CACNG6: variants seen among roughly 807,000 people sequenced by gnomAD.
The protein encoded by CACNG6 is calcium voltage-gated channel auxiliary subunit gamma 6.
A neutral mutation model predicts 23.9 loss-of-function variants in CACNG6; 21 were observed. That is an observed-to-expected ratio of 0.88 (90% CI 0.62 to 1.26). The LOEUF (loss-of-function observed/expected upper bound fraction) is 1.26, where lower values mean the gene tolerates loss of function less well. CACNG6 is among the 50% of genes most tolerant of loss of function. The pLI is 0.00. For missense variants in CACNG6, 340 were observed against 352.9 expected (o/e 0.96, Z 0.29); for synonymous variants, 182 against 168.9 (o/e 1.08, Z -0.60).
chr19:53,994,508 T>C (rs1255609213), intron 1 of CACNG6, among the ~76,000 whole-genome samples: 1 of 152,094 alleles, frequency 6.6e-6, no homozygotes, highest in Non-Finnish European at 1.5e-5. Flanking sequence ...GGGAACTGGA[T>C]GAAATCTCCT....
intron 3 of CACNG6, among the ~76,000 whole-genome samples, chr19:54,007,192 G>A (rs2069657255): frequency 6.6e-6 from 1 of 152,068 alleles, no homozygotes; most frequent in South Asian, 2.1e-4. Flanking sequence ...GGGATTACAC[G>A]CATGCACCAC....
chr19:53,993,651 G>C (rs915401333), intron 1 of CACNG6, among the ~76,000 whole-genome samples: 3 of 128,522 alleles, frequency 2.3e-5, no homozygotes, highest in Non-Finnish European at 4.8e-5. Flanking sequence ...CCTGTACCCC[G>C]ACTATCCTGT....
intron 3 of CACNG6, among the ~76,000 whole-genome samples, chr19:54,001,171 A>C (rs2069571193): frequency 6.8e-6 from 1 of 146,768 alleles, no homozygotes; most frequent in Non-Finnish European, 1.5e-5. Flanking sequence ...CTTGGATCAA[A>C]TGTTTTCTTT....
At chr19:54,003,019 A>G (rs2069596372) in intron 3 of CACNG6, among the ~76,000 whole-genome samples, 1 of 152,220 alleles carries the variant, frequency 6.6e-6, no homozygotes, top group African/African-American at 2.4e-5. Context: ...ACAAATCAAT[A>G]TACATTCATA....
intron 1 of CACNG6, among the ~76,000 whole-genome samples, chr19:53,996,925 G>A (rs984967025): frequency 7.3e-6 from 1 of 136,604 alleles, no homozygotes; most frequent in Non-Finnish European, 1.5e-5. Flanking sequence ...CTGGAGTGCA[G>A]TAGTACAATC....
chr19:54,011,022 A>G, intron 3 of CACNG6, among the ~76,000 whole-genome samples: 1 of 151,214 alleles, frequency 6.6e-6, no homozygotes, highest in East Asian at 1.9e-4. Flanking sequence ...TCATTTCTTC[A>G]TGTTGTGACC....
chr19:53,995,636 C>T (rs80182320), intron 1 of CACNG6, among the ~76,000 whole-genome samples: 16,050 of 152,172 alleles, frequency 0.11, 1,135 homozygotes, highest in African/African-American at 0.2. Context: ...GCACCTGCAC[C>T]CTTCGCTCAG....
At chr19:54,005,248 A>G (rs2069629268) in intron 3 of CACNG6, among the ~76,000 whole-genome samples, 1 of 122,120 alleles carries the variant, frequency 8.2e-6, no homozygotes, top group African/African-American at 3.3e-5. Context: ...TAAATAAATA[A>G]ATAATAATAA....
chr19:54,008,882 C>T (rs1266440505), intron 3 of CACNG6, among the ~76,000 whole-genome samples: 1 of 152,228 alleles, frequency 6.6e-6, no homozygotes, highest in Non-Finnish European at 1.5e-5. Flanking sequence ...AACCTGGCAG[C>T]CTGCAGGCCC....
rs2069729904 is a variant in CACNG6, at chr19:54,012,498, G to A, written c.*309G>A. On this transcript the variant is annotated 3_prime_UTR_variant, in exon 4 of 4. Coordinates refer to ENST00000252729, the MANE Select transcript of CACNG6 (RefSeq NM_145814.2). ...TGTGGGGTTGGGGGATGAGGTCAGG[G>A]GGTCTTGGGTGGGAGTTGGGGGCCC... 4.0e-6 allele frequency: 1 copy of A among 247,762 alleles called. No individual in the cohort carries two copies. The highest frequency in any genetic ancestry group is 1.8e-4 in the South Asian group (1 of 5,664). The allele number at this position is 247,762 out of a possible 1,614,324, so 15.3% of individuals were successfully genotyped here.
At chr19:53,995,586 T>G (rs1317484331) in intron 1 of CACNG6, among the ~76,000 whole-genome samples, 1 of 152,252 alleles carries the variant, frequency 6.6e-6, no homozygotes, top group Non-Finnish European at 1.5e-5. Context: ...ACTTCCCTTG[T>G]GGATGTAGAC....
At chr19:54,003,087 G>C (rs1161106358) in intron 3 of CACNG6, among the ~76,000 whole-genome samples, 1 of 152,222 alleles carries the variant, frequency 6.6e-6, no homozygotes, top group Non-Finnish European at 1.5e-5. Flanking sequence ...AAAAATGTAT[G>C]ACAGGAGACC....
chr19:53,993,699 A>AC (rs1241907608), intron 1 of CACNG6, among the ~76,000 whole-genome samples: 1 of 100,138 alleles, frequency 1.0e-5, no homozygotes, highest in Admixed American at 1.2e-4. Context: ...TACAGTTTCC[A>AC]CCCCCAGACT....
At chr19:54,004,846 C>G (rs2069622170) in intron 3 of CACNG6, among the ~76,000 whole-genome samples, 1 of 152,092 alleles carries the variant, frequency 6.6e-6, no homozygotes, top group Non-Finnish European at 1.5e-5. Flanking sequence ...TCAGAGAGAC[C>G]AGCACTGACC....
intron 3 of CACNG6, among the ~76,000 whole-genome samples, chr19:54,005,210 A>T (rs532101199): frequency 5.3e-5 from 7 of 132,840 alleles, no homozygotes; most frequent in African/African-American, 1.6e-4. Flanking sequence ...CTCCATCTCA[A>T]AAATAAATAA....
At chr19:53,998,338 G>A (rs2069542027) in intron 2 of CACNG6, 25 bp downstream of exon 2, 2 of 1,598,850 alleles carry the variant, frequency 1.3e-6, no homozygotes, top group East Asian at 2.2e-5. Context: ...CCCCCTGCTG[G>A]GTGACAGGTG....
intron 2 of CACNG6, among the ~76,000 whole-genome samples, chr19:53,998,842 T>C (rs1435024297): frequency 2.0e-5 from 3 of 151,702 alleles, no homozygotes; most frequent in Non-Finnish European, 2.9e-5. Flanking sequence ...TCTCTGCCTA[T>C]GCCACGTTCT....
rs138464456 is a variant in CACNG6, at chr19:54,002,267, G to GTTTTTTTTTTTTTTTTTT, written c.544+2503_544+2504insTTTTTTTTTTTTTTTTTT. Among the ~76,000 whole-genome samples the GTTTTTTTTTTTTTTTTTT allele has an allele frequency of 3.8e-5, 5 of 131,930 alleles. 1 individual carries two copies. Among genetic ancestry groups the GTTTTTTTTTTTTTTTTTT allele is most frequent in the African/African-American group, 1.3e-4 (4 of 30,028 alleles). The allele number at this position is 131,930 out of a possible 152,430, so 86.6% of individuals were successfully genotyped here. Reference sequence around the variant, plus strand: ...TGCCGCCAAGCCCGGCTAATTTTCGGTTTTTTTGTTTTTTTTGTTTTTTTT... The same window carrying GTTTTTTTTTTTTTTTTTT: ...TGCCGCCAAGCCCGGCTAATTTTCGGTTTTTTTTTTTTTTTTTTTTTTTTTGTTTTTTTTGTTTTTTTT... On this transcript the variant is annotated intron_variant, in intron 3 of 3. Transcript: ENST00000252729.
At chr19:53,998,678 A>G (rs1421226006) in intron 2 of CACNG6, among the ~76,000 whole-genome samples, 1 of 151,678 alleles carries the variant, frequency 6.6e-6, no homozygotes, top group Non-Finnish European at 1.5e-5. Flanking sequence ...TGCCCAGCTA[A>G]TTTTTATATT....
Sources: gnomAD v4.1 joint callset for allele counts (sites outside exome capture counted in the v4.1 genomes callset) on GRCh38, gnomAD v4.1.1 for gene constraint, MANE v1.5 for transcripts, NCBI Gene and HGNC (gene_info 2026-07-23, HGNC 2026-07-21) for gene names.